AGPS: variants seen among roughly 807,000 people sequenced by gnomAD.
The protein encoded by AGPS is alkylglycerone phosphate synthase, also known as alkyldihydroxyacetonephosphate synthase, peroxisomal.
A neutral mutation model predicts 90.7 loss-of-function variants in AGPS; 26 were observed. The ratio of observed to expected loss-of-function variants is 0.29; its 90% CI spans 0.21 to 0.40. AGPS has a LOEUF of 0.40. Ranked by LOEUF, AGPS falls within the 10% of genes least tolerant of loss-of-function variation. AGPS has a pLI of 1.00. For synonymous variants in AGPS, 294 were observed against 285.3 expected (o/e 1.03, Z -0.31); for missense variants, 540 against 816.1 (o/e 0.66, Z 4.12).
intron 2 of AGPS, among the ~76,000 whole-genome samples, chr2:177,432,435 C>G (rs1273529771): frequency 6.6e-6 from 1 of 152,132 alleles, no homozygotes; most frequent in African/African-American, 2.4e-5. Flanking sequence ...TGTTCTCTGC[C>G]CATGTGTTCA....
chr2:177,456,400 G>A (rs1045213905), intron 8 of AGPS, among the ~76,000 whole-genome samples: 2 of 152,174 alleles, frequency 1.3e-5, no homozygotes, highest in African/African-American at 4.8e-5. Context: ...GTATACTGCG[G>A]TATGCAAATT....
chr2:177,538,312 T>A lies in AGPS; in HGVS notation c.*117T>A. On this transcript the variant is annotated 3_prime_UTR_variant, in exon 20 of 20. Transcript: ENST00000264167. ...TTTGGATACATTTGTTTCTTTGGTT[T>A]AAAATAAGTTTGTTTTCATTCTGTA... is the stretch of plus-strand genomic sequence containing the variant. 8.7e-7 allele frequency: 1 copy of A among 1,151,750 alleles called. No homozygotes were observed. Among genetic ancestry groups the A allele is most frequent in the Non-Finnish European group, 1.2e-6 (1 of 801,960 alleles). 71.3% of individuals were successfully genotyped at this position (1,151,750 alleles called of 1,614,324 possible).
At chr2:177,513,753 C>A in intron 16 of AGPS, 66 bp from the exon 17 acceptor site, 4 of 1,193,298 alleles carry the variant, frequency 3.4e-6, no homozygotes, top group Non-Finnish European at 5.0e-6. Context: ...GATTAACCAA[C>A]GTTTATTAGC....
At chr2:177,504,169 G>A (rs1287178710) in intron 14 of AGPS, among the ~76,000 whole-genome samples, 2 of 152,074 alleles carry the variant, frequency 1.3e-5, no homozygotes, top group African/African-American at 4.8e-5. Flanking sequence ...TGGATGAACT[G>A]TTTCTGTTTC....
At chr2:177,501,036 TTAG>T (rs1390842082) in intron 14 of AGPS, among the ~76,000 whole-genome samples, 5 of 152,174 alleles carry the variant, frequency 3.3e-5, no homozygotes, top group Non-Finnish European at 5.9e-5. Flanking sequence ...ACATATGATG[TTAG>T]TAAGGCACAA....
chr2:177,489,747 C>T (rs890769593), intron 11 of AGPS, among the ~76,000 whole-genome samples: 5 of 152,132 alleles, frequency 3.3e-5, no homozygotes, highest in South Asian at 2.1e-4. Flanking sequence ...GTACATTTAT[C>T]GTAGCAGGAA....
intron 1 of AGPS, among the ~76,000 whole-genome samples, chr2:177,394,545 C>A (rs1009115089): frequency 6.6e-6 from 1 of 152,066 alleles, no homozygotes; most frequent in African/African-American, 2.4e-5. Context: ...CAGGATTTTA[C>A]GTGGGGCAAT....
chr2:177,427,842 G>A (rs1170589020), intron 2 of AGPS, among the ~76,000 whole-genome samples: 2 of 152,106 alleles, frequency 1.3e-5, no homozygotes, highest in Non-Finnish European at 2.9e-5. Context: ...TGTCTATCAA[G>A]TCTGCTTGAT....
At chr2:177,461,452 A>G (rs1687290941) in intron 8 of AGPS, among the ~76,000 whole-genome samples, 1 of 152,240 alleles carries the variant, frequency 6.6e-6, no homozygotes, top group East Asian at 1.9e-4. Context: ...CCTGCTGCAT[A>G]TTACATTAGG....
intron 19 of AGPS, among the ~76,000 whole-genome samples, chr2:177,532,807 A>G (rs79715051): frequency 0.018 from 2,753 of 152,280 alleles, 81 homozygotes; most frequent in African/African-American, 0.062. Flanking sequence ...AATAAAAACA[A>G]TGAACTATCG....
chr2:177,514,836 A>G (rs1213187543), intron 17 of AGPS, among the ~76,000 whole-genome samples: 6 of 151,808 alleles, frequency 4.0e-5, no homozygotes, highest in African/African-American at 1.2e-4. Context: ...TCTTTCTTAC[A>G]CCTTAAATGT....
intron 19 of AGPS, among the ~76,000 whole-genome samples, chr2:177,533,565 A>G (rs760777091): frequency 1.3e-5 from 2 of 152,200 alleles, no homozygotes; most frequent in Non-Finnish European, 2.9e-5. Flanking sequence ...TTGGATCTCT[A>G]AAGAGAACTT....
intron 10 of AGPS, among the ~76,000 whole-genome samples, chr2:177,477,470 A>G (rs561412330): frequency 6.6e-5 from 10 of 152,260 alleles, no homozygotes; most frequent in South Asian, 4.1e-4. Flanking sequence ...AAATGCTCCA[A>G]AATTTGAGAC....
At chr2:177,508,058 T>C in intron 16 of AGPS, 27 bp downstream of exon 16, 1 of 1,517,036 alleles carries the variant, frequency 6.6e-7, no homozygotes, top group Non-Finnish European at 9.2e-7. Flanking sequence ...TGCCTGATAT[T>C]ATTCAAATAT....
At chr2:177,393,537 G>T in intron 1 of AGPS, 1 of 985,342 alleles carries the variant, frequency 1.0e-6, no homozygotes, top group Non-Finnish European at 1.2e-6. Flanking sequence ...TTTCTGTGGG[G>T]TAAGTTCCAC....
At chr2:177,444,862 A>C (rs923536406) in intron 7 of AGPS, among the ~76,000 whole-genome samples, 11 of 152,176 alleles carry the variant, frequency 7.2e-5, no homozygotes, top group African/African-American at 2.7e-4. Context: ...GTTAGGTCAA[A>C]TAAGAATGCC....
At chr2:177,421,103 G>T (rs1366707354) in intron 2 of AGPS, among the ~76,000 whole-genome samples, 1 of 151,966 alleles carries the variant, frequency 6.6e-6, no homozygotes, top group African/African-American at 2.4e-5. Flanking sequence ...TGTAAAACGA[G>T]TTCTTTGTTG....
intron 9 of AGPS, among the ~76,000 whole-genome samples, chr2:177,467,353 T>C (rs1165429557): frequency 2.6e-5 from 4 of 152,228 alleles, no homozygotes. Flanking sequence ...AACATTTAAA[T>C]TATTCTTGAT....
intron 16 of AGPS, among the ~76,000 whole-genome samples, chr2:177,511,129 C>T (rs948269687): frequency 4.6e-5 from 7 of 152,080 alleles, no homozygotes; most frequent in Non-Finnish European, 5.9e-5. Flanking sequence ...GATGGGATCT[C>T]GCTCTGTCAC....
Sources: gnomAD v4.1 joint callset for allele counts (sites outside exome capture counted in the v4.1 genomes callset) on GRCh38, gnomAD v4.1.1 for gene constraint, MANE v1.5 for transcripts, NCBI Gene and HGNC (gene_info 2026-07-23, HGNC 2026-07-21) for gene names.